Variants in KCNB2 observed in about 807,000 individuals in gnomAD.
The protein encoded by KCNB2 is delayed rectifier potassium channel protein.
KCNB2 carries 15 observed loss-of-function variants against 61.5 expected under a neutral mutation model. That is an observed-to-expected ratio of 0.24 (90% CI 0.16 to 0.38). The LOEUF (loss-of-function observed/expected upper bound fraction) is 0.38, where lower values mean the gene tolerates loss of function less well. Ranked by LOEUF, KCNB2 falls within the 10% of genes least tolerant of loss-of-function variation. The pLI is 1.00. For missense variants in KCNB2, 828 were observed against 1,125.2 expected (o/e 0.74, Z 3.78); for synonymous variants, 457 against 446.0 (o/e 1.02, Z -0.31).
chr8:72,743,941 G>C (rs1229971137), intron 2 of KCNB2, among the ~76,000 whole-genome samples: 1 of 152,176 alleles, frequency 6.6e-6, no homozygotes, highest in East Asian at 1.9e-4. Flanking sequence ...GAATTCGGGA[G>C]CCCTAAGTCT....
chr8:72,670,265 A>G (rs1585819299), intron 2 of KCNB2, among the ~76,000 whole-genome samples: 1 of 152,340 alleles, frequency 6.6e-6, no homozygotes, highest in African/African-American at 2.4e-5. Context: ...GCTTTTAGAG[A>G]TAAATCAATT....
chr8:72,717,672 T>A (rs1328119560), intron 2 of KCNB2, among the ~76,000 whole-genome samples: 3 of 151,956 alleles, frequency 2.0e-5, no homozygotes, highest in Non-Finnish European at 2.9e-5. Flanking sequence ...TCAAGATGGA[T>A]TAAAGACTTA....
chr8:72,541,396 T>C (rs1320502243), intron 1 of KCNB2, among the ~76,000 whole-genome samples: 1 of 152,116 alleles, frequency 6.6e-6, no homozygotes, highest in Non-Finnish European at 1.5e-5. Context: ...TATATAGATA[T>C]GAAAACTAAT....
At chr8:72,629,206 G>C (rs1206246944) in intron 2 of KCNB2, among the ~76,000 whole-genome samples, 9 of 152,132 alleles carry the variant, frequency 5.9e-5, no homozygotes, top group Admixed American at 5.2e-4. Flanking sequence ...CTAAAGAGAA[G>C]ACTCAGTGTT....
chr8:72,810,232 A>G (rs749772548), intron 2 of KCNB2, among the ~76,000 whole-genome samples: 2 of 152,218 alleles, frequency 1.3e-5, no homozygotes, highest in Non-Finnish European at 2.9e-5. Flanking sequence ...AGGTGAGAAA[A>G]CAGGTGGGAC....
chr8:72,812,835 G>C (rs528937072), intron 2 of KCNB2, among the ~76,000 whole-genome samples: 37 of 152,192 alleles, frequency 2.4e-4, no homozygotes, highest in African/African-American at 8.7e-4. Context: ...AGTTCTTTGA[G>C]GCTGTAGTTT....
intron 2 of KCNB2, among the ~76,000 whole-genome samples, chr8:72,698,452 G>A (rs1807055515): frequency 6.6e-6 from 1 of 152,058 alleles, no homozygotes; most frequent in Non-Finnish European, 1.5e-5. Flanking sequence ...GCAATCTACA[G>A]ATTCAACACT....
intron 2 of KCNB2, among the ~76,000 whole-genome samples, chr8:72,686,751 G>T (rs967704971): frequency 6.6e-6 from 1 of 152,184 alleles, no homozygotes; most frequent in East Asian, 1.9e-4. Flanking sequence ...CCCTATGGTA[G>T]AATTACATAT....
At chr8:72,541,800 T>A (rs1427482356) in intron 1 of KCNB2, among the ~76,000 whole-genome samples, 1 of 152,154 alleles carries the variant, frequency 6.6e-6, no homozygotes, top group Admixed American at 6.5e-5. Flanking sequence ...ATGCAGATGA[T>A]CTCATTGGTC....
intron 2 of KCNB2, among the ~76,000 whole-genome samples, chr8:72,833,253 C>T (rs550575331): frequency 6.6e-6 from 1 of 152,198 alleles, no homozygotes; most frequent in African/African-American, 2.4e-5. Context: ...GCTTCAGGAA[C>T]TTTGATCAGC....
chr8:72,714,922 C>T (rs1030981609), intron 2 of KCNB2, among the ~76,000 whole-genome samples: 19 of 151,914 alleles, frequency 1.3e-4, no homozygotes, highest in African/African-American at 3.4e-4. Flanking sequence ...ACCCATCTCA[C>T]GTGCAGAGAC....
At chr8:72,696,975 A>G (rs1275338506) in intron 2 of KCNB2, among the ~76,000 whole-genome samples, 3 of 152,176 alleles carry the variant, frequency 2.0e-5, no homozygotes, top group Admixed American at 6.5e-5. Flanking sequence ...TTGCTACTTC[A>G]TATTATCCGT....
chr8:72,905,620 T>G (rs1806164720), intron 2 of KCNB2, among the ~76,000 whole-genome samples: 1 of 152,184 alleles, frequency 6.6e-6, no homozygotes, highest in Admixed American at 6.5e-5. Flanking sequence ...CATTTGTTTC[T>G]GATAGTCGGG....
At chr8:72,689,976 A>G (rs1365936678) in intron 2 of KCNB2, among the ~76,000 whole-genome samples, 1 of 151,904 alleles carries the variant, frequency 6.6e-6, no homozygotes, top group Non-Finnish European at 1.5e-5. Flanking sequence ...GAACAAAACT[A>G]TTAGTTTTCC....
chr8:72,653,475 G>T (rs1806243126), intron 2 of KCNB2, among the ~76,000 whole-genome samples: 1 of 151,492 alleles, frequency 6.6e-6, no homozygotes, highest in African/African-American at 2.4e-5. Context: ...GTGACACTTT[G>T]ATATCACCTG....
intron 2 of KCNB2, among the ~76,000 whole-genome samples, chr8:72,669,286 A>G (rs1806525560): frequency 6.6e-6 from 1 of 152,232 alleles, no homozygotes; most frequent in African/African-American, 2.4e-5. Flanking sequence ...TTGCATTTCA[A>G]CTGAACCAGT....
intron 2 of KCNB2, among the ~76,000 whole-genome samples, chr8:72,588,540 C>T (rs1374403365): frequency 6.6e-6 from 1 of 152,006 alleles, no homozygotes; most frequent in African/African-American, 2.4e-5. Flanking sequence ...CGCCTGCCAG[C>T]TTTCTTGTAC....
At chr8:72,687,736 C>T (rs1474265201) in intron 2 of KCNB2, among the ~76,000 whole-genome samples, 3 of 152,118 alleles carry the variant, frequency 2.0e-5, no homozygotes, top group Admixed American at 2.0e-4. Context: ...GTGTCATATT[C>T]TAGAAAGATA....
chr8:72,784,116 A>T (rs1391306054), intron 2 of KCNB2, among the ~76,000 whole-genome samples: 1 of 152,194 alleles, frequency 6.6e-6, no homozygotes, highest in African/African-American at 2.4e-5. Context: ...CAATGGGATG[A>T]TTGGATATAT....
Sources: allele counts gnomAD v4.1 joint callset (sites outside exome capture counted in the v4.1 genomes callset), GRCh38; gene constraint gnomAD v4.1.1; transcripts MANE v1.5; gene names NCBI Gene and HGNC (gene_info 2026-07-23, HGNC 2026-07-21).